GPD2: variants seen among roughly 807,000 people sequenced by gnomAD.
The protein encoded by GPD2 is glycerol-3-phosphate dehydrogenase 2.
A neutral mutation model predicts 82.4 loss-of-function variants in GPD2; 54 were observed. The observed-to-expected ratio is 0.66, with a 90% confidence interval of 0.53 to 0.82. The LOEUF (loss-of-function observed/expected upper bound fraction) is 0.82, where lower values mean the gene tolerates loss of function less well. Among genes scored for constraint, GPD2 ranks in the 40% least tolerant of loss-of-function variants. GPD2 has a pLI of 0.00. For missense variants in GPD2, 748 were observed against 896.2 expected (o/e 0.83, Z 2.11); for synonymous variants, 288 against 306.1 (o/e 0.94, Z 0.62).
At chr2:156,476,271 G>T in intron 2 of GPD2, 64 bp downstream of exon 2, 1 of 874,258 alleles carries the variant, frequency 1.1e-6, no homozygotes, top group South Asian at 1.3e-5. Flanking sequence ...GCTGTCTATG[G>T]GGAATGTGTG....
At chr2:156,545,958 A>G (rs1214563344) in intron 6 of GPD2, among the ~76,000 whole-genome samples, 1 of 152,210 alleles carries the variant, frequency 6.6e-6, no homozygotes, top group East Asian at 1.9e-4. Context: ...TGCTCTGTGC[A>G]AGGTCATTGA....
At chr2:156,404,583 A>C in the GPD2 span, among the ~76,000 whole-genome samples, 7 of 151,106 alleles carry the variant, frequency 4.6e-5, no homozygotes, top group African/African-American at 7.3e-5. Flanking sequence ...CCTCACCCCT[A>C]TAATCCCAGC....
intron 2 of GPD2, among the ~76,000 whole-genome samples, chr2:156,489,234 G>A (rs1684060218): frequency 2.0e-5 from 3 of 152,200 alleles, no homozygotes; most frequent in South Asian, 4.1e-4. Context: ...AGTTTTAGCA[G>A]ATTTATCTCA....
intron 1 of GPD2, among the ~76,000 whole-genome samples, chr2:156,442,730 C>T (rs1441679309): frequency 6.6e-6 from 1 of 152,024 alleles, no homozygotes; most frequent in Non-Finnish European, 1.5e-5. Context: ...GCCTAGGAGG[C>T]CGAGGCTGCA....
chr2:156,579,944 G>A (rs1311000380), intron 16 of GPD2, among the ~76,000 whole-genome samples, 156 bp downstream of exon 16: 1 of 152,188 alleles, frequency 6.6e-6, no homozygotes, highest in Admixed American at 6.5e-5. Flanking sequence ...TGATATGTCT[G>A]CCCTCAAGTG....
the GPD2 span, among the ~76,000 whole-genome samples, chr2:156,417,180 T>G: frequency 6.6e-6 from 1 of 152,208 alleles, no homozygotes; most frequent in Non-Finnish European, 1.5e-5. Context: ...TCTTTGCATT[T>G]TCAGAAGCTA....
At chr2:156,459,504 G>C (rs1682907525) in intron 1 of GPD2, among the ~76,000 whole-genome samples, 1 of 151,698 alleles carries the variant, frequency 6.6e-6, no homozygotes, top group African/African-American at 2.4e-5. Flanking sequence ...GGCCAACATG[G>C]TGAAACCTAC....
the GPD2 span, among the ~76,000 whole-genome samples, chr2:156,400,465 C>G: frequency 0.98 from 149,179 of 152,290 alleles, 73,142 homozygotes; most frequent in East Asian, 1. Flanking sequence ...ATTGGGCACC[C>G]GGGAGTCCCG....
chr2:156,405,027 C>T, the GPD2 span, among the ~76,000 whole-genome samples: 4 of 152,086 alleles, frequency 2.6e-5, no homozygotes. Flanking sequence ...ATTCAGGCAA[C>T]AGTGTGACAG....
intron 2 of GPD2, among the ~76,000 whole-genome samples, chr2:156,478,760 C>A (rs1683614254): frequency 1.3e-5 from 2 of 152,154 alleles, no homozygotes; most frequent in Non-Finnish European, 2.9e-5. Context: ...TAGGTATGCT[C>A]CATTTTTCTG....
intron 1 of GPD2, among the ~76,000 whole-genome samples, chr2:156,450,864 T>C (rs1472787096): frequency 1.5e-5 from 2 of 129,960 alleles, no homozygotes; most frequent in Admixed American, 8.1e-5. Context: ...TGGTGATGAC[T>C]CTTAACGAGC....
At chr2:156,404,122 C>G in the GPD2 span, among the ~76,000 whole-genome samples, 2 of 152,098 alleles carry the variant, frequency 1.3e-5, no homozygotes, top group Non-Finnish European at 1.5e-5. Context: ...AATCCTAGCA[C>G]TTTGAGAGGC....
intron 8 of GPD2, among the ~76,000 whole-genome samples, 188 bp downstream of exon 8, chr2:156,550,934 G>T (rs1686735660): frequency 6.6e-6 from 1 of 152,104 alleles, no homozygotes; most frequent in Admixed American, 6.5e-5. Flanking sequence ...GCCACTTATG[G>T]CAATACTCGT....
intron 15 of GPD2, among the ~76,000 whole-genome samples, 170 bp downstream of exon 15, chr2:156,579,334 T>C (rs1307766128): frequency 1.3e-5 from 2 of 149,508 alleles, no homozygotes; most frequent in Non-Finnish European, 3.0e-5. Flanking sequence ...TCTTTCTTTT[T>C]TTTTTTTTTT....
At chr2:156,477,912 C>T (rs1683569418) in intron 2 of GPD2, among the ~76,000 whole-genome samples, 1 of 152,188 alleles carries the variant, frequency 6.6e-6, no homozygotes, top group Non-Finnish European at 1.5e-5. Context: ...TAGATTACTT[C>T]TGCCATCTTT....
chr2:156,420,394 A>ATC, the GPD2 span, among the ~76,000 whole-genome samples: 86 of 152,172 alleles, frequency 5.7e-4, no homozygotes, highest in African/African-American at 2.0e-3. Flanking sequence ...GATGGTCTCA[A>ATC]TCTCCTGACC....
chr2:156,411,635 A>G, the GPD2 span, among the ~76,000 whole-genome samples: 59 of 152,280 alleles, frequency 3.9e-4, no homozygotes, highest in African/African-American at 8.7e-4. Context: ...TAAATTCTGT[A>G]TATTAAACAA....
chr2:156,417,821 T>G, the GPD2 span, among the ~76,000 whole-genome samples: 7 of 151,830 alleles, frequency 4.6e-5, no homozygotes, highest in African/African-American at 1.7e-4. Flanking sequence ...AGTTCCAGGT[T>G]GCAGTGAGCT....
At chr2:156,404,893 C>T in the GPD2 span, among the ~76,000 whole-genome samples, 2 of 151,324 alleles carry the variant, frequency 1.3e-5, no homozygotes, top group Non-Finnish European at 2.9e-5. Context: ...TAGAGAAATT[C>T]GTCGATGATG....
Sources: gnomAD v4.1 joint callset for allele counts (sites outside exome capture counted in the v4.1 genomes callset) on GRCh38, gnomAD v4.1.1 for gene constraint, MANE v1.5 for transcripts, NCBI Gene and HGNC (gene_info 2026-07-23, HGNC 2026-07-21) for gene names.